ARPP21: variants seen among roughly 807,000 people sequenced by gnomAD.
ARPP21 encodes the protein cAMP-regulated phosphoprotein 21.
A neutral mutation model predicts 113.2 loss-of-function variants in ARPP21; 69 were observed. The ratio of observed to expected loss-of-function variants is 0.61; its 90% CI spans 0.50 to 0.74. The LOEUF (loss-of-function observed/expected upper bound fraction) is 0.74. Ranked by LOEUF, ARPP21 falls within the 30% of genes least tolerant of loss-of-function variation. ARPP21 has a pLI of 0.00. For missense variants in ARPP21, 1,070 were observed against 1,037.4 expected (o/e 1.03, Z -0.43); for synonymous variants, 368 against 375.5 (o/e 0.98, Z 0.23).
chr3:35,745,817 C>A (rs1354681190), intron 19 of ARPP21, among the ~76,000 whole-genome samples: 4 of 152,184 alleles, frequency 2.6e-5, no homozygotes, highest in Non-Finnish European at 2.9e-5. Flanking sequence ...CTCTCCCATT[C>A]AGTTAGAGAC....
At position 35,690,869 on chromosome 3, in the gene ARPP21, C is replaced by T. The variant is rs1284620030; in HGVS notation, c.550C>T (p.His184Tyr). The change falls in exon 9 of 21, where the codon CAT (histidine) becomes TAT (tyrosine). Residue 184 changes from histidine to tyrosine, a missense_variant. Coordinates refer to ENST00000684406, the MANE Select transcript of ARPP21 (RefSeq NM_001385562.1). The stretch of plus-strand genomic sequence containing the variant: ...TTTTCTTGAATTATGTTCTAGTAAT[C>T]ATTATAAAAAGTTCCCTCAGATGTC... ...IIDFIADNNN[H>Y]YKKFPQMSSY... 6.2e-7 allele frequency: 1 copy of T among 1,602,656 alleles called. No homozygotes were observed.
chr3:35,707,054 A>C lies in ARPP21; in HGVS notation c.767A>C (p.Asn256Thr). 6.2e-7 allele frequency: 1 copy of C among 1,613,500 alleles called. No individual in the cohort carries two copies. Among genetic ancestry groups the C allele is most frequent in the Non-Finnish European group, 8.5e-7 (1 of 1,179,754 alleles). The change falls in exon 10 of 21, where the codon AAC becomes ACC. Residue 256 changes from asparagine (N) to threonine (T), a missense_variant. Asn to Thr is a moderately conservative substitution (Grantham distance 65, BLOSUM62 0). Transcript: ENST00000684406. The stretch of plus-strand genomic sequence containing the variant: ...AAGCGGTTTATCTTGAAGCGAGATA[A>C]CTCTAGTATTGATAAAGAAGACAAT... The part of the protein sequence containing the change: ...SQKRFILKRD[N>T]SSIDKEDNQQ...
At position 35,706,992 on chromosome 3, in the gene ARPP21, T is replaced by C. The variant is rs2089361815; in HGVS notation, c.705T>C (p.Cys235=). Residue 235 remains cysteine, a synonymous_variant, in exon 10 of 21, where the codon TGT becomes TGC. Transcript: ENST00000684406. ...CTGGCAGACCAGAGCAAAGGTTTTG[T>C]GAACATTTAAAAGATGAAAAAGGTG... ...SSTRIPEQRF[C]EHLKDEKGEE... 6.2e-7 allele frequency: 1 copy of C among 1,613,856 alleles called. No individual in the cohort carries two copies. Among genetic ancestry groups the C allele is most frequent in the African/African-American group, 1.3e-5 (1 of 74,924 alleles).
chr3:35,666,499 G>A (rs1156701746), intron 1 of ARPP21, among the ~76,000 whole-genome samples: 1 of 151,864 alleles, frequency 6.6e-6, no homozygotes, highest in Non-Finnish European at 1.5e-5. Flanking sequence ...CATTCTTTTG[G>A]CATTATTCAA....
chr3:35,712,582 GTGTA>G (rs1264620615), intron 11 of ARPP21, among the ~76,000 whole-genome samples: 22 of 151,634 alleles, frequency 1.5e-4, no homozygotes, highest in Admixed American at 8.6e-4. Flanking sequence ...GAGTGTGTGT[GTGTA>G]TGTGTTTGTG....
At chr3:35,716,908 A>G (rs1460529987) in intron 12 of ARPP21, among the ~76,000 whole-genome samples, 1 of 152,060 alleles carries the variant, frequency 6.6e-6, no homozygotes, top group Non-Finnish European at 1.5e-5. Flanking sequence ...CCAAAAATAA[A>G]TACATTTCTT....
chr3:35,642,705 G>C (rs771920095), intron 1 of ARPP21, among the ~76,000 whole-genome samples: 1 of 152,090 alleles, frequency 6.6e-6, no homozygotes, highest in African/African-American at 2.4e-5. Context: ...TGAAAGGTTT[G>C]GAGCTTGTAA....
At chr3:35,641,505 G>C (rs1698069716) in intron 1 of ARPP21, 1 of 79,312 alleles carries the variant, frequency 1.3e-5, no homozygotes, top group Non-Finnish European at 2.6e-5. Context: ...TTACCACAGG[G>C]CTTAAATATC....
At chr3:35,684,470 A>G in intron 5 of ARPP21, 1 of 983,436 alleles carries the variant, frequency 1.0e-6, no homozygotes, top group Non-Finnish European at 1.2e-6. Flanking sequence ...AAATTATTTC[A>G]TGACAAAATG....
Position 35,640,570 on chromosome 3 carries a change from T to C in ARPP21, c.-213+172T>C, listed in dbSNP as rs543462779. On this transcript the variant is annotated intron_variant, in intron 1 of 20. Coordinates refer to ENST00000684406, the MANE Select transcript of ARPP21 (RefSeq NM_001385562.1). Reference sequence around the variant, plus strand: ...TGTTATACATGTATTGTGTTTTTTATGTTTCGTCAAGGAGGGATGGACGCT... The same window carrying C: ...TGTTATACATGTATTGTGTTTTTTACGTTTCGTCAAGGAGGGATGGACGCT... 1.2e-4 allele frequency among the ~76,000 whole-genome samples: 18 copies of C among 152,318 alleles called. No individual in the cohort carries two copies. The East Asian group carries it at 3.5e-3, about 29-fold the overall frequency.
At chr3:35,709,134 TC>T in intron 11 of ARPP21, 64 bp downstream of exon 11, 1 of 1,114,780 alleles carries the variant, frequency 9.0e-7, no homozygotes, top group Non-Finnish European at 1.3e-6. Flanking sequence ...GCTTCCTCAT[TC>T]CCCAGACAGC....
chr3:35,705,403 G>T (rs945784071), intron 9 of ARPP21, among the ~76,000 whole-genome samples: 24 of 152,192 alleles, frequency 1.6e-4, no homozygotes, highest in African/African-American at 5.8e-4. Context: ...GTAAAGTACA[G>T]GTTTACTTCT....
chr3:35,672,491 G>A (rs1179271529), intron 1 of ARPP21, among the ~76,000 whole-genome samples: 2 of 152,040 alleles, frequency 1.3e-5, no homozygotes, highest in Admixed American at 1.3e-4. Flanking sequence ...TGGCCTTTAG[G>A]TGGAGGATGC....
At position 35,794,155 on chromosome 3, in the gene ARPP21, G is replaced by A. The variant is rs1329274439; in HGVS notation, c.*197G>A. ...GTGCATATTTCTGTCATGTCTGCTA[G>A]GTATGCCTTTATAGCTTAGCTAGTG... is the stretch of plus-strand genomic sequence containing the variant. On this transcript the variant is annotated 3_prime_UTR_variant, in exon 21 of 21. Transcript: ENST00000684406. The A allele has an allele frequency of 1.6e-6, 1 of 607,088 alleles. No individual in the cohort carries two copies. The highest frequency in any genetic ancestry group is 2.9e-6 in the Non-Finnish European group (1 of 345,344). The allele number at this position is 607,088 out of a possible 1,614,324, so 37.6% of individuals were successfully genotyped here. A position where few individuals can be genotyped will look rare whatever the true frequency, so the allele number is the denominator to read the frequency against.
intron 9 of ARPP21, 33 bp downstream of exon 9, chr3:35,691,038 T>C (rs2082092262): frequency 6.3e-7 from 1 of 1,583,180 alleles, no homozygotes; most frequent in South Asian, 1.2e-5. Flanking sequence ...TTTAGCATTT[T>C]CTTTTTCTCC....
intron 1 of ARPP21, among the ~76,000 whole-genome samples, chr3:35,669,120 G>A (rs79885176): frequency 6.6e-6 from 1 of 151,968 alleles, no homozygotes; most frequent in South Asian, 2.1e-4. Flanking sequence ...TGACAGTTGG[G>A]TCTTCCTTCT....
intron 1 of ARPP21, among the ~76,000 whole-genome samples, chr3:35,676,034 T>A (rs185943897): frequency 6.6e-6 from 1 of 151,930 alleles, no homozygotes; most frequent in East Asian, 1.9e-4. Context: ...TTTTAATTTG[T>A]ATTCAGGAAG....
intron 11 of ARPP21, among the ~76,000 whole-genome samples, chr3:35,713,528 G>C (rs1230311279): frequency 6.6e-6 from 1 of 152,028 alleles, no homozygotes; most frequent in Non-Finnish European, 1.5e-5. Flanking sequence ...CCAATAGCTG[G>C]AACCACAGGT....
intron 19 of ARPP21, among the ~76,000 whole-genome samples, chr3:35,764,848 C>T (rs969239975): frequency 6.6e-6 from 1 of 152,074 alleles, no homozygotes; most frequent in African/African-American, 2.4e-5. Context: ...AATACATATG[C>T]ATAGAGGAAT....
Sources: allele counts gnomAD v4.1 joint callset (sites outside exome capture counted in the v4.1 genomes callset), GRCh38; gene constraint gnomAD v4.1.1; transcripts MANE v1.5; gene names NCBI Gene and HGNC (gene_info 2026-07-23, HGNC 2026-07-21).